The following CDKL2 variants were observed in gnomAD, a reference collection of about 807,000 sequenced individuals.
CDKL2 encodes cyclin dependent kinase like 2.
In CDKL2, 64 loss-of-function variants were observed where a neutral mutation model predicts 63.9. The ratio of observed to expected loss-of-function variants is 1.00; its 90% CI spans 0.82 to 1.23. The LOEUF is 1.23. CDKL2 is among the 50% of genes most tolerant of loss of function. The probability of loss-of-function intolerance (pLI) is 0.00; values close to 1 mark genes in which losing one functional copy is unlikely to be tolerated. For missense variants in CDKL2, 656 were observed against 668.0 expected (o/e 0.98, Z 0.20); for synonymous variants, 211 against 229.2 (o/e 0.92, Z 0.72).
chr4:75,607,782 T>C (rs2148891924), intron 3 of CDKL2, among the ~76,000 whole-genome samples: 1 of 152,048 alleles, frequency 6.6e-6, no homozygotes. Context: ...AGAGCAAGAA[T>C]GGAAATGGGG....
At position 75,625,858 on chromosome 4, in the gene CDKL2, A is replaced by G; in HGVS notation, c.131T>C (p.Val44Ala). Reference protein sequence around the residue: ...KFLESDDDKMVKKIAMREIKL... With the variant: ...KFLESDDDKMAKKIAMREIKL... ...GATTTCTCGCATTGCAATCTTTTTAACCATTTTGTCATCGTCACTTTCTAA... is the reference window on the plus strand; with the variant it reads ...GATTTCTCGCATTGCAATCTTTTTAGCCATTTTGTCATCGTCACTTTCTAA... Residue 44 changes from valine (V) to alanine (A), a missense_variant, in exon 2 of 14, where the codon GTT becomes GCT. Coordinates refer to ENST00000307465, the MANE Select transcript of CDKL2 (RefSeq NM_001330724.2). 1 of 1,613,056 alleles carries G rather than the reference A, an allele frequency of 6.2e-7. No individual in the cohort carries two copies. Among genetic ancestry groups the G allele is most frequent in the Non-Finnish European group, 8.5e-7 (1 of 1,179,744 alleles).
At position 75,605,674 on chromosome 4, in the gene CDKL2, A is replaced by C. The variant is rs752943176; in HGVS notation, c.543-40T>G. The C allele has an allele frequency of 2.2e-6, 3 of 1,354,072 alleles. No homozygotes were observed. In the South Asian group the frequency reaches 3.5e-5, roughly 16 times the overall value. The allele number at this position is 1,354,072 out of a possible 1,614,324, so 83.9% of individuals were successfully genotyped here. A position where few individuals can be genotyped will look rare whatever the true frequency, so the allele number is the denominator to read the frequency against. ...ATGTGGTGTAAAATCTGGCATCCTAATATGCTCCAAAACCCAAAGCTTTTT... is the reference window on the plus strand; with the variant it reads ...ATGTGGTGTAAAATCTGGCATCCTACTATGCTCCAAAACCCAAAGCTTTTT... On this transcript the variant is annotated intron_variant, in intron 4 of 13. Transcript: ENST00000307465.
intron 12 of CDKL2, among the ~76,000 whole-genome samples, chr4:75,586,556 A>G (rs1009985509): frequency 6.6e-6 from 1 of 152,122 alleles, no homozygotes; most frequent in Non-Finnish European, 1.5e-5. Context: ...TTAAAACATG[A>G]CAAAGATATC....
intron 13 of CDKL2, among the ~76,000 whole-genome samples, chr4:75,580,902 G>A (rs955504447): frequency 1.3e-5 from 2 of 151,204 alleles, no homozygotes; most frequent in African/African-American, 2.4e-5. Context: ...GGGTTTCACC[G>A]TGTTAGCCAG....
At chr4:75,629,047 A>G (rs372755265) in intron 1 of CDKL2, among the ~76,000 whole-genome samples, 18 of 151,774 alleles carry the variant, frequency 1.2e-4, no homozygotes, top group African/African-American at 4.4e-4. Flanking sequence ...CTTCTATTCC[A>G]CTTCCATTAA....
chr4:75,591,822 A>G lies in CDKL2; in HGVS notation c.1644T>C (p.His548=). 1 of 1,530,546 alleles carries G rather than the reference A, an allele frequency of 6.5e-7. No individual in the cohort carries two copies. The highest frequency in any genetic ancestry group is 8.8e-7 in the Non-Finnish European group (1 of 1,142,044). 94.8% of individuals were successfully genotyped at this position (1,530,546 alleles called of 1,614,324 possible). The change falls in exon 12 of 14, where the codon CAT becomes CAC. Residue 548 remains histidine (H), a synonymous_variant. Coordinates refer to ENST00000307465, the MANE Select transcript of CDKL2 (RefSeq NM_001330724.2). ...CCTATAAAGAGTATTTCTGTACCTG[A>G]TGTAATGTAATACTGGGGGTGTGCA... The part of the protein sequence containing the change: ...IDLHTPSITL[H]QVSGPPLSDD...
chr4:75,603,063 A>G (rs1269925376), intron 6 of CDKL2, among the ~76,000 whole-genome samples: 3 of 143,044 alleles, frequency 2.1e-5, no homozygotes, highest in Non-Finnish European at 3.0e-5. Context: ...GCAGTGGCAC[A>G]ATCTCGGCTC....
chr4:75,596,846 A>T, intron 9 of CDKL2, 89 bp downstream of exon 9: 1 of 1,137,320 alleles, frequency 8.8e-7, no homozygotes, highest in Non-Finnish European at 1.3e-6. Flanking sequence ...AATTCTGAGA[A>T]TAAAAACAAT....
intron 1 of CDKL2, among the ~76,000 whole-genome samples, chr4:75,629,041 T>C (rs1730560000): frequency 6.6e-6 from 1 of 152,048 alleles, no homozygotes; most frequent in African/African-American, 2.4e-5. Context: ...TTTTACCTTC[T>C]ATTCCACTTC....
chr4:75,609,335 G>A (rs1333752176), intron 3 of CDKL2, among the ~76,000 whole-genome samples: 2 of 151,828 alleles, frequency 1.3e-5, no homozygotes, highest in Admixed American at 6.6e-5. Flanking sequence ...GGCCAGGTGC[G>A]GTGGCTCACG....
rs1728150751 is a variant in CDKL2, at chr4:75,579,198, TACC to T, written c.*24-23_*24-21del. The T allele has an allele frequency of 6.6e-6, 1 of 152,222 alleles. No homozygotes were observed. Among genetic ancestry groups the T allele is most frequent in the Non-Finnish European group, 1.5e-5 (1 of 68,044 alleles). The allele number at this position is 152,222 out of a possible 1,614,324, so 9.4% of individuals were successfully genotyped here. On this transcript the variant is annotated intron_variant, in intron 13 of 13. Coordinates refer to ENST00000307465, the MANE Select transcript of CDKL2 (RefSeq NM_001330724.2). ...CATCATCTAAAAGCACAGGAGGATA[TACC>T]ACCAACTATTTTACAAAAAATCTTT...
At chr4:75,601,984 A>T (rs1039480715) in intron 6 of CDKL2, among the ~76,000 whole-genome samples, 1 of 152,220 alleles carries the variant, frequency 6.6e-6, no homozygotes, top group Non-Finnish European at 1.5e-5. Flanking sequence ...AAAATTCCCC[A>T]AAAAGGTCAA....
At chr4:75,586,052 A>C (rs58140957) in intron 12 of CDKL2, among the ~76,000 whole-genome samples, 22,654 of 152,168 alleles carry the variant, frequency 0.15, 2,250 homozygotes, top group African/African-American at 0.28. Flanking sequence ...ATCTAAAAAA[A>C]TCAAGATCAC....
At chr4:75,627,291 G>GTTT (rs1730465372) in intron 1 of CDKL2, among the ~76,000 whole-genome samples, 2 of 151,952 alleles carry the variant, frequency 1.3e-5, no homozygotes, top group South Asian at 2.1e-4. Context: ...TTGTTTGTTT[G>GTTT]GGACGGAGTC....
chr4:75,601,681 A>C (rs1444483232), intron 6 of CDKL2, among the ~76,000 whole-genome samples: 1 of 152,178 alleles, frequency 6.6e-6, no homozygotes, highest in Non-Finnish European at 1.5e-5. Flanking sequence ...TTAAGGTATG[A>C]TTAAGGTACA....
intron 2 of CDKL2, among the ~76,000 whole-genome samples, chr4:75,617,103 T>G (rs939995075): frequency 6.6e-6 from 1 of 152,084 alleles, no homozygotes; most frequent in Admixed American, 6.5e-5. Context: ...GGTAGTCTAG[T>G]CCATTTGGAA....
chr4:75,614,792 G>A (rs1005426697), intron 2 of CDKL2, among the ~76,000 whole-genome samples: 12 of 151,636 alleles, frequency 7.9e-5, no homozygotes, highest in African/African-American at 2.4e-4. Flanking sequence ...CAGGAGTATA[G>A]GAAGGCACCA....
chr4:75,586,157 C>T (rs1167232343), intron 12 of CDKL2, among the ~76,000 whole-genome samples: 2 of 151,454 alleles, frequency 1.3e-5, no homozygotes, highest in African/African-American at 4.8e-5. Flanking sequence ...TATTAAACAA[C>T]ATTTCTAAAT....
At chr4:75,607,833 G>A (rs1232860013) in intron 3 of CDKL2, among the ~76,000 whole-genome samples, 1 of 152,188 alleles carries the variant, frequency 6.6e-6, no homozygotes, top group Admixed American at 6.5e-5. Context: ...TTTTTTTTGA[G>A]ACGGAGTCTC....
Sources: gnomAD v4.1 joint callset for allele counts (sites outside exome capture counted in the v4.1 genomes callset) on GRCh38, gnomAD v4.1.1 for gene constraint, MANE v1.5 for transcripts, NCBI Gene and HGNC (gene_info 2026-07-23, HGNC 2026-07-21) for gene names.